The following LAMC3 variants were observed in gnomAD, a reference collection of about 807,000 sequenced individuals.
LAMC3 encodes laminin subunit gamma-3.
Under a neutral mutation model 173.8 loss-of-function variants are expected in LAMC3, and 128 were observed. That is an observed-to-expected ratio of 0.74 (90% CI 0.64 to 0.85). The LOEUF is 0.85. Ranked by LOEUF, LAMC3 falls within the 40% of genes least tolerant of loss-of-function variation. The probability of loss-of-function intolerance (pLI) is 0.00; values close to 1 mark genes in which losing one functional copy is unlikely to be tolerated. For missense variants in LAMC3, 2,022 were observed against 2,156.0 expected (o/e 0.94, Z 1.23); for synonymous variants, 897 against 909.1 (o/e 0.99, Z 0.24).
chr9:131,056,630 A>C (rs554189698), intron 11 of LAMC3, among the ~76,000 whole-genome samples: 74 of 152,266 alleles, frequency 4.9e-4, no homozygotes, highest in African/African-American at 1.7e-3. Flanking sequence ...CCCCATCTCT[A>C]CAAAAATTTT....
chr9:131,068,260 GGGGACCTCTCCAGGA>G lies in LAMC3; in HGVS notation c.2747+34_2747+48del, dbSNP rs779303042. On this transcript the variant is annotated intron_variant, in intron 15 of 27. Transcript: ENST00000361069. ...GGTAGGGTGAGACTGCCGGTGCCCT[GGGGACCTCTCCAGGA>G]GGGAAGAAGGCATCGGGCAGCCCCC... is the stretch of plus-strand genomic sequence containing the variant. 1.4e-5 allele frequency: 22 copies of G among 1,600,928 alleles called. No homozygotes were observed. The African/African-American group carries it at 2.4e-4, about 17-fold the overall frequency.
chr9:131,022,498 G>A (rs1417525438), intron 1 of LAMC3, among the ~76,000 whole-genome samples: 1 of 152,050 alleles, frequency 6.6e-6, no homozygotes, highest in Non-Finnish European at 1.5e-5. Flanking sequence ...CAATCCAGTG[G>A]TTTTTAGTAT....
chr9:131,048,947 C>T lies in LAMC3; in HGVS notation c.1520-73C>T, dbSNP rs1012552207. 4.4e-6 allele frequency: 4 copies of T among 912,206 alleles called. No individual in the cohort carries two copies. The Admixed American group carries it at 7.9e-5, about 18-fold the overall frequency. 56.5% of individuals were successfully genotyped at this position (912,206 alleles called of 1,614,324 possible). ...GCTCCCTCCTACCCCAGGGCCCCCA[C>T]CTGGGGCTGGCACCTGGAGACCACC... On this transcript the variant is annotated intron_variant, in intron 8 of 27. Coordinates refer to ENST00000361069, the MANE Select transcript of LAMC3 (RefSeq NM_006059.4).
At chr9:131,010,751 G>T (rs927904680) in intron 1 of LAMC3, among the ~76,000 whole-genome samples, 1 of 152,234 alleles carries the variant, frequency 6.6e-6, no homozygotes, top group Non-Finnish European at 1.5e-5. Flanking sequence ...TGGCCTCTCT[G>T]CCCTGCTCAT....
intron 20 of LAMC3, among the ~76,000 whole-genome samples, chr9:131,074,380 T>C (rs762870894): frequency 2.0e-5 from 3 of 151,924 alleles, no homozygotes; most frequent in Non-Finnish European, 4.4e-5. Flanking sequence ...GACACTTGGG[T>C]TGTTTCATCC....
chr9:131,023,919 T>G (rs900851896), intron 1 of LAMC3, among the ~76,000 whole-genome samples: 2 of 152,214 alleles, frequency 1.3e-5, no homozygotes, highest in Non-Finnish European at 2.9e-5. Flanking sequence ...TCTGGATAAG[T>G]CTCTTATCAG....
chr9:131,069,796 A>AGACGGCACACACTGCC lies in LAMC3; in HGVS notation c.3016_3031dup (p.Gln1011ArgfsTer226). The stretch of plus-strand genomic sequence containing the variant: ...GCCACGACAACTTCTTCCTCACGGC[A>AGACGGCACACACTGCC]GACGGCACACACTGCCAGCAATGTC... On this transcript the variant is annotated frameshift_variant, in exon 17 of 28. Coordinates refer to ENST00000361069, the MANE Select transcript of LAMC3 (RefSeq NM_006059.4). LOFTEE classifies it high-confidence loss of function. 1.1e-5 allele frequency: 18 copies of AGACGGCACACACTGCC among 1,594,706 alleles called. No homozygotes were observed. The highest frequency in any genetic ancestry group is 1.5e-5 in the Non-Finnish European group (18 of 1,170,592).
intron 1 of LAMC3, among the ~76,000 whole-genome samples, chr9:131,025,375 C>T (rs1011127287): frequency 6.6e-6 from 1 of 152,156 alleles, no homozygotes; most frequent in Non-Finnish European, 1.5e-5. Flanking sequence ...GTCATTGTGA[C>T]GGAGCCAGGT....
At chr9:131,090,246 A>G (rs930636695) in intron 27 of LAMC3, among the ~76,000 whole-genome samples, 2 of 152,114 alleles carry the variant, frequency 1.3e-5, no homozygotes, top group African/African-American at 2.4e-5. Context: ...ACTCTCTTCA[A>G]CCATTCCTGC....
At chr9:131,034,896 C>T (rs962175150) in intron 3 of LAMC3, among the ~76,000 whole-genome samples, 1 of 152,168 alleles carries the variant, frequency 6.6e-6, no homozygotes, top group African/African-American at 2.4e-5. Flanking sequence ...TCTCAAAGAC[C>T]CCGTATTTGT....
In LAMC3 at chr9:131,068,230, A is replaced by T. The variant is rs558096035; in HGVS notation, c.2746A>T (p.Ser916Cys). The T allele has an allele frequency of 6.2e-7, 1 of 1,608,572 alleles. No individual in the cohort carries two copies. Among genetic ancestry groups the T allele is most frequent in the South Asian group, 1.1e-5 (1 of 91,026 alleles). ...FDLQPGRGCR[S>C]CKCHPLGSQE... ...CCTCCAGCCTGGGAGGGGCTGCCGG[A>T]GGTAGGTAGGGTGAGACTGCCGGTG... is the stretch of plus-strand genomic sequence containing the variant. Residue 916 changes from serine to cysteine, a missense_variant and splice_region_variant, in exon 15 of 28, where the codon AGC becomes TGC. Physicochemically the swap from Ser to Cys is moderately radical, Grantham distance 112. Coordinates refer to ENST00000361069, the MANE Select transcript of LAMC3 (RefSeq NM_006059.4).
chr9:131,069,086 G>T (rs1162767428), intron 16 of LAMC3, 36 bp downstream of exon 16: 12 of 1,611,408 alleles, frequency 7.4e-6, no homozygotes, highest in Non-Finnish European at 1.0e-5. Context: ...CTGCCCTGAG[G>T]GTGGGGCCCG....
chr9:131,047,002 G>A (rs1438037222), intron 8 of LAMC3, among the ~76,000 whole-genome samples: 2 of 152,046 alleles, frequency 1.3e-5, no homozygotes, highest in Non-Finnish European at 1.5e-5. Context: ...GGGTGTCAGC[G>A]TTGGGCAGGA....
At chr9:131,046,791 T>C (rs985089084) in intron 8 of LAMC3, among the ~76,000 whole-genome samples, 12 of 152,092 alleles carry the variant, frequency 7.9e-5, no homozygotes, top group Admixed American at 7.9e-4. Flanking sequence ...GCCCCAGCGA[T>C]GTCCCACGGA....
chr9:131,014,114 C>T (rs1833476244), intron 1 of LAMC3, among the ~76,000 whole-genome samples: 1 of 152,232 alleles, frequency 6.6e-6, no homozygotes. Flanking sequence ...CTCTCTGGGC[C>T]TCCCAGGACT....
chr9:131,079,034 TG>T, intron 22 of LAMC3, 114 bp from the exon 23 acceptor site: 1 of 1,345,040 alleles, frequency 7.4e-7, no homozygotes, highest in Non-Finnish European at 1.0e-6. Context: ...GGTTCTTGGC[TG>T]GCAGCCAGGG....
At chr9:131,028,795 T>C (rs1833775893) in intron 2 of LAMC3, among the ~76,000 whole-genome samples, 1 of 152,148 alleles carries the variant, frequency 6.6e-6, no homozygotes, top group South Asian at 2.1e-4. Flanking sequence ...GTGCGTAGAG[T>C]ACTGCCAACT....
At chr9:131,032,538 C>T in intron 3 of LAMC3, among the ~76,000 whole-genome samples, 1 of 126,708 alleles carries the variant, frequency 7.9e-6, no homozygotes, top group East Asian at 2.0e-4. Flanking sequence ...CTCGCTGTCT[C>T]TCTCTCTTGC....
rs767334947 is a variant in LAMC3 at position 131,026,654 on chromosome 9, G to C, written c.678+65G>C. 3 of 1,476,470 alleles carry C rather than the reference G, an allele frequency of 2.0e-6. No individual in the cohort carries two copies. Among genetic ancestry groups the C allele is most frequent in the Non-Finnish European group, 2.7e-6 (3 of 1,115,512 alleles). The allele number at this position is 1,476,470 out of a possible 1,614,324, so 91.5% of individuals were successfully genotyped here. ...GGGACTGGGTCACGGCAGTAGGAGGGTCTGATGTGCCAGGACACACAGGGT... is the reference window on the plus strand; with the variant it reads ...GGGACTGGGTCACGGCAGTAGGAGGCTCTGATGTGCCAGGACACACAGGGT... On this transcript the variant is annotated intron_variant, in intron 2 of 27. Coordinates refer to ENST00000361069, the MANE Select transcript of LAMC3 (RefSeq NM_006059.4). The surrounding 1 kb of genome is among the most constrained non-coding windows in gnomAD (Gnocchi z 4.8).
Sources: gnomAD v4.1 joint callset for allele counts (sites outside exome capture counted in the v4.1 genomes callset) on GRCh38, gnomAD v4.1.1 for gene constraint, Gnocchi (gnomAD v3.1) non-coding constraint, MANE v1.5 for transcripts, NCBI Gene and HGNC (gene_info 2026-07-23, HGNC 2026-07-21) for gene names.